KCNQ5: variants seen among roughly 807,000 people sequenced by gnomAD.
KCNQ5 encodes the protein potassium voltage-gated channel subfamily Q member 5.
KCNQ5 carries 30 observed loss-of-function variants against 98.2 expected under a neutral mutation model. The ratio of observed to expected loss-of-function variants is 0.31; its 90% CI spans 0.23 to 0.41. The LOEUF is 0.41. Ranked by LOEUF, KCNQ5 falls within the 10% of genes least tolerant of loss-of-function variation. KCNQ5 has a pLI of 1.00. For synonymous variants in KCNQ5, 458 were observed against 449.4 expected (o/e 1.02, Z -0.24); for missense variants, 835 against 1,182.5 (o/e 0.71, Z 4.31).
intron 1 of KCNQ5, among the ~76,000 whole-genome samples, chr6:72,808,125 G>A (rs1176538552): frequency 6.6e-6 from 1 of 152,202 alleles, no homozygotes; most frequent in Non-Finnish European, 1.5e-5. Flanking sequence ...AATTGAAGGA[G>A]AGAGTCAATG....
chr6:73,077,508 C>T lies in KCNQ5; in HGVS notation c.792+11C>T. 2 of 1,598,290 alleles carry T rather than the reference C, an allele frequency of 1.3e-6. No individual in the cohort carries two copies. Among genetic ancestry groups the T allele is most frequent in the Admixed American group, 3.6e-5 (2 of 56,012 alleles). On this transcript the variant is annotated intron_variant, in intron 4 of 13. Coordinates refer to ENST00000370398, the MANE Select transcript of KCNQ5 (RefSeq NM_019842.4). ...TATGCTCACAGCAAGGTAAGATTTG[C>T]TCTCTGAATTTAAAAACACAATTTT... is the stretch of plus-strand genomic sequence containing the variant.
chr6:72,775,034 A>G (rs1773093077), intron 1 of KCNQ5, among the ~76,000 whole-genome samples: 1 of 152,328 alleles, frequency 6.6e-6, no homozygotes, highest in South Asian at 2.1e-4. Flanking sequence ...GGCACTATCC[A>G]TATTGTCACA....
chr6:72,758,134 G>A (rs1772067638), intron 1 of KCNQ5, among the ~76,000 whole-genome samples: 1 of 151,902 alleles, frequency 6.6e-6, no homozygotes, highest in Non-Finnish European at 1.5e-5. Flanking sequence ...CATTGGAGGA[G>A]GACGGCATTG....
In KCNQ5 at chr6:72,807,207, A is replaced by T. The variant is rs1187863986; in HGVS notation, c.398+184620A>T. Reference sequence around the variant, plus strand: ...TCATGTCTGGGTTCAATTATTAGCTACATCTTGCTAATCTGTATAATAGTC... The same window carrying T: ...TCATGTCTGGGTTCAATTATTAGCTTCATCTTGCTAATCTGTATAATAGTC... On this transcript the variant is annotated intron_variant, in intron 1 of 13. Coordinates refer to ENST00000370398, the MANE Select transcript of KCNQ5 (RefSeq NM_019842.4). 3.3e-5 allele frequency among the ~76,000 whole-genome samples: 5 copies of T among 152,194 alleles called. 1 individual carries two copies. Among genetic ancestry groups the T allele is most frequent in the Middle Eastern group, 6.3e-3 (2 of 316 alleles).
Position 73,197,312 on chromosome 6 carries a change from T to G in KCNQ5, c.*1898T>G, listed in dbSNP as rs1582524119. On this transcript the variant is annotated 3_prime_UTR_variant, in exon 14 of 14. Coordinates refer to ENST00000370398, the MANE Select transcript of KCNQ5 (RefSeq NM_019842.4). ...TGTGCTTCTCAACCTTTTAGAACCT[T>G]GTCCCTTTTGATAAACATGGAAATT... is the stretch of plus-strand genomic sequence containing the variant. 1 of 152,186 alleles carries G rather than the reference T, an allele frequency of 6.6e-6. No individual in the cohort carries two copies. Among genetic ancestry groups the G allele is most frequent in the African/African-American group, 2.4e-5 (1 of 41,444 alleles). The allele number at this position is 152,186 out of a possible 1,614,324, so 9.4% of individuals were successfully genotyped here. A position where few individuals can be genotyped will look rare whatever the true frequency, so the allele number is the denominator to read the frequency against.
rs1775701743 is a variant in KCNQ5 at position 73,120,467 on chromosome 6, T to C, written c.1126-16T>C. The C allele has an allele frequency of 6.3e-7, 1 of 1,584,200 alleles. No individual in the cohort carries two copies. Among genetic ancestry groups the C allele is most frequent in the African/African-American group, 1.3e-5 (1 of 74,440 alleles). Reference sequence around the variant, plus strand: ...CTCTTTTTTCTTTTTCATGTCCCCATCTATGCCACATGCAGTGTGTTTGGC... The same window carrying C: ...CTCTTTTTTCTTTTTCATGTCCCCACCTATGCCACATGCAGTGTGTTTGGC... On this transcript the variant is annotated splice_polypyrimidine_tract_variant and intron_variant, in intron 7 of 13. Transcript: ENST00000370398.
intron 1 of KCNQ5, among the ~76,000 whole-genome samples, chr6:72,837,853 A>G (rs1776577998): frequency 6.6e-6 from 1 of 152,146 alleles, no homozygotes; most frequent in Admixed American, 6.5e-5. Flanking sequence ...TTTACCTTAA[A>G]TATTTGGAAA....
chr6:72,626,026 C>T (rs1056863026), intron 1 of KCNQ5, among the ~76,000 whole-genome samples: 1 of 152,318 alleles, frequency 6.6e-6, no homozygotes, highest in Middle Eastern at 3.4e-3. Context: ...TTATCATCTA[C>T]TCCTTCATCT....
At chr6:73,171,359 A>G (rs567848274) in intron 11 of KCNQ5, among the ~76,000 whole-genome samples, 14 of 152,164 alleles carry the variant, frequency 9.2e-5, no homozygotes, top group Non-Finnish European at 1.3e-4. Flanking sequence ...TCTTTCTCAA[A>G]GTATCCCAGT....
intron 1 of KCNQ5, among the ~76,000 whole-genome samples, chr6:72,740,867 C>T (rs1378692857): frequency 6.6e-6 from 1 of 152,124 alleles, no homozygotes; most frequent in Non-Finnish European, 1.5e-5. Flanking sequence ...CTTTACCTGC[C>T]CTCTAATTAC....
chr6:73,049,485 A>T (rs1772116023), intron 3 of KCNQ5, among the ~76,000 whole-genome samples: 1 of 152,222 alleles, frequency 6.6e-6, no homozygotes, highest in Non-Finnish European at 1.5e-5. Context: ...ATAAATCAGC[A>T]GTAAAGCTAG....
intron 1 of KCNQ5, among the ~76,000 whole-genome samples, chr6:72,754,970 C>T (rs1234376179): frequency 6.6e-6 from 1 of 151,568 alleles, no homozygotes; most frequent in Non-Finnish European, 1.5e-5. Context: ...CTTTTTATTA[C>T]ATTTTATTTT....
rs116023863 is a variant in KCNQ5, at chr6:72,980,535, C to T, written c.399-23373C>T. 7.3e-3 allele frequency among the ~76,000 whole-genome samples: 1,112 copies of T among 152,286 alleles called. 17 individuals carry two copies. Among genetic ancestry groups the T allele is most frequent in the African/African-American group, 0.026 (1,064 of 41,546 alleles). ...TTGCACATGGATTTGTATCCTGAGA[C>T]TTTGCTGAACTTGCTTATTAGCTTA... On this transcript the variant is annotated intron_variant, in intron 1 of 13. Transcript: ENST00000370398.
chr6:72,810,556 G>C (rs888871186), intron 1 of KCNQ5, among the ~76,000 whole-genome samples: 5 of 152,118 alleles, frequency 3.3e-5, no homozygotes, highest in African/African-American at 1.2e-4. Flanking sequence ...GCATTAGCAG[G>C]GAAACTTTCT....
intron 10 of KCNQ5, among the ~76,000 whole-genome samples, chr6:73,151,052 A>G (rs1394062831): frequency 6.6e-6 from 1 of 152,172 alleles, no homozygotes; most frequent in Non-Finnish European, 1.5e-5. Flanking sequence ...TACTTTTGCA[A>G]GATGTTACCA....
chr6:72,768,636 C>T (rs1772696188), intron 1 of KCNQ5, among the ~76,000 whole-genome samples: 3 of 151,840 alleles, frequency 2.0e-5, no homozygotes, highest in Non-Finnish European at 2.9e-5. Flanking sequence ...CTTCATTCAA[C>T]GTAATTGGAG....
chr6:73,041,833 T>G, intron 2 of KCNQ5, 103 bp from the exon 3 acceptor site: 1 of 1,257,978 alleles, frequency 7.9e-7, no homozygotes, highest in Non-Finnish European at 1.1e-6. Context: ...AACAACTAGA[T>G]CCTTTAGACA....
At chr6:72,933,120 A>G (rs919386039) in intron 1 of KCNQ5, among the ~76,000 whole-genome samples, 2 of 152,210 alleles carry the variant, frequency 1.3e-5, no homozygotes, top group African/African-American at 2.4e-5. Flanking sequence ...TGAATTTTTA[A>G]TAAGCCAATA....
At chr6:72,874,763 C>T (rs1778345189) in intron 1 of KCNQ5, among the ~76,000 whole-genome samples, 1 of 152,114 alleles carries the variant, frequency 6.6e-6, no homozygotes, top group East Asian at 1.9e-4. Context: ...AGATTTCGGT[C>T]CCTAGCCCAT....
Sources: gnomAD v4.1 joint callset for allele counts (sites outside exome capture counted in the v4.1 genomes callset) on GRCh38, gnomAD v4.1.1 for gene constraint, MANE v1.5 for transcripts, NCBI Gene and HGNC (gene_info 2026-07-23, HGNC 2026-07-21) for gene names.